Variants in RPS6KC1 observed in about 807,000 individuals in gnomAD.
RPS6KC1 encodes the protein ribosomal protein S6 kinase C1, also known as inactive ribosomal protein S6 kinase delta-1.
In RPS6KC1, 54 loss-of-function variants were observed where a neutral mutation model predicts 103.8. That is an observed-to-expected ratio of 0.52 (90% confidence interval 0.42 to 0.65). The LOEUF (loss-of-function observed/expected upper bound fraction) is 0.65. RPS6KC1 is among the 30% of genes least tolerant of loss of function. The probability of loss-of-function intolerance (pLI) is 0.00; values close to 1 mark genes in which losing one functional copy is unlikely to be tolerated. For synonymous variants in RPS6KC1, 439 were observed against 438.7 expected (o/e 1.00, Z -0.01); for missense variants, 1,151 against 1,253.8 (o/e 0.92, Z 1.24).
At chr1:213,681,366 T>G in the RPS6KC1 span, among the ~76,000 whole-genome samples, 1 of 152,284 alleles carries the variant, frequency 6.6e-6, no homozygotes, top group South Asian at 2.1e-4. Context: ...GATTATTGCA[T>G]TTGAAAACCC....
At chr1:213,381,220 G>A in the RPS6KC1 span, among the ~76,000 whole-genome samples, 1 of 152,186 alleles carries the variant, frequency 6.6e-6, no homozygotes, top group Admixed American at 6.5e-5. Context: ...ATTTAAAATT[G>A]TGTGTGGAGG....
At chr1:213,121,556 C>T (rs1237100641) in intron 5 of RPS6KC1, among the ~76,000 whole-genome samples, 3 of 151,988 alleles carry the variant, frequency 2.0e-5, no homozygotes, top group Admixed American at 6.6e-5. Context: ...TAAATTTAGC[C>T]GTGAAGTTAC....
At chr1:213,179,415 A>G (rs2092114976) in intron 8 of RPS6KC1, among the ~76,000 whole-genome samples, 1 of 151,790 alleles carries the variant, frequency 6.6e-6, no homozygotes, top group South Asian at 2.1e-4. Context: ...ACCCTGTCTC[A>G]AAAAAAAGAG....
chr1:213,251,486 A>G (rs1253331128), intron 12 of RPS6KC1, among the ~76,000 whole-genome samples: 1 of 152,206 alleles, frequency 6.6e-6, no homozygotes, highest in African/African-American at 2.4e-5. Flanking sequence ...TGTGCTTTGC[A>G]TGGGGAGCAC....
At chr1:213,283,101 C>T in the RPS6KC1 span, among the ~76,000 whole-genome samples, 5 of 152,254 alleles carry the variant, frequency 3.3e-5, no homozygotes, top group East Asian at 1.9e-4. Context: ...GTCTAACTTT[C>T]GGCAGCTCTG....
chr1:213,765,779 C>T, the RPS6KC1 span, among the ~76,000 whole-genome samples: 1 of 152,140 alleles, frequency 6.6e-6, no homozygotes, highest in Non-Finnish European at 1.5e-5. Flanking sequence ...AAGTCAGCTG[C>T]ACTAAGAAAC....
chr1:213,546,342 A>G, the RPS6KC1 span: 5 of 152,204 alleles, frequency 3.3e-5, no homozygotes, highest in African/African-American at 1.2e-4. Context: ...TTCTACTGTC[A>G]GCAGGCAGAG....
At chr1:213,365,170 G>A in the RPS6KC1 span, among the ~76,000 whole-genome samples, 1 of 152,234 alleles carries the variant, frequency 6.6e-6, no homozygotes, top group Non-Finnish European at 1.5e-5. Flanking sequence ...TGCAGAACCA[G>A]TATTAAGACG....
chr1:213,415,472 G>A, the RPS6KC1 span, among the ~76,000 whole-genome samples: 3 of 152,302 alleles, frequency 2.0e-5, no homozygotes, highest in South Asian at 4.1e-4. Context: ...TAAAGGGGTC[G>A]GCTTCTCTGT....
chr1:213,509,046 C>A, the RPS6KC1 span, among the ~76,000 whole-genome samples: 6 of 152,204 alleles, frequency 3.9e-5, no homozygotes, highest in African/African-American at 1.4e-4. Context: ...TGAAATACAA[C>A]AAATTCCAGT....
chr1:213,719,389 C>CCATTTAGA, the RPS6KC1 span, among the ~76,000 whole-genome samples: 117 of 152,260 alleles, frequency 7.7e-4, 1 homozygote, highest in Non-Finnish European at 1.3e-4. Context: ...CCGATGCCCG[C>CCATTTAGA]CATTTAGAAC....
the RPS6KC1 span, among the ~76,000 whole-genome samples, chr1:213,502,934 C>T: frequency 1.0e-4 from 15 of 150,576 alleles, no homozygotes; most frequent in South Asian, 3.2e-3. Context: ...AAATAGAGAG[C>T]CAGGAAAGCA....
chr1:213,181,880 C>T (rs1436321669), intron 8 of RPS6KC1, among the ~76,000 whole-genome samples: 1 of 152,182 alleles, frequency 6.6e-6, no homozygotes, highest in Non-Finnish European at 1.5e-5. Context: ...AGAATCTTGT[C>T]ACGTTAGGAA....
the RPS6KC1 span, among the ~76,000 whole-genome samples, chr1:213,724,286 G>A: frequency 6.6e-6 from 1 of 152,128 alleles, no homozygotes; most frequent in Admixed American, 6.5e-5. Context: ...CACTATGTTG[G>A]CCAGGCTGGT....
At chr1:213,733,988 A>G in the RPS6KC1 span, among the ~76,000 whole-genome samples, 1 of 152,240 alleles carries the variant, frequency 6.6e-6, no homozygotes, top group African/African-American at 2.4e-5. Context: ...AAATAGCATA[A>G]TGCTTTGAAG....
At chr1:213,147,443 T>G (rs2147845255) in intron 6 of RPS6KC1, among the ~76,000 whole-genome samples, 1 of 152,362 alleles carries the variant, frequency 6.6e-6, no homozygotes, top group Non-Finnish European at 1.5e-5. Context: ...TACCATTTAT[T>G]GAAGAAACTG....
At chr1:213,625,699 G>C in the RPS6KC1 span, among the ~76,000 whole-genome samples, 1 of 152,114 alleles carries the variant, frequency 6.6e-6, no homozygotes, top group Non-Finnish European at 1.5e-5. Flanking sequence ...TTGTCCTTGC[G>C]ATAGTTTGCT....
the RPS6KC1 span, among the ~76,000 whole-genome samples, chr1:213,491,605 G>A: frequency 1.1e-4 from 16 of 152,276 alleles, no homozygotes; most frequent in Admixed American, 5.9e-4. Context: ...GGAGCAAGGC[G>A]TTGCCTTTGA....
intron 8 of RPS6KC1, among the ~76,000 whole-genome samples, chr1:213,219,562 A>C (rs1420492925): frequency 6.6e-6 from 1 of 152,196 alleles, no homozygotes; most frequent in African/African-American, 2.4e-5. Context: ...ATGCACACGT[A>C]TGTTTATTGC....
Sources: allele counts gnomAD v4.1 joint callset (sites outside exome capture counted in the v4.1 genomes callset), GRCh38; gene constraint gnomAD v4.1.1; transcripts MANE v1.5; gene names NCBI Gene and HGNC (gene_info 2026-07-23, HGNC 2026-07-21).